DNMBP: variants seen among roughly 807,000 people sequenced by gnomAD.
The protein encoded by DNMBP is dynamin-binding protein.
Under a neutral mutation model 150.0 loss-of-function variants are expected in DNMBP, and 87 were observed. That is an observed-to-expected ratio of 0.58 (90% CI 0.49 to 0.69). The LOEUF is 0.69. Ranked by LOEUF, DNMBP falls within the 30% of genes least tolerant of loss-of-function variation. The probability of loss-of-function intolerance (pLI) is 0.00; values close to 1 mark genes in which losing one functional copy is unlikely to be tolerated. For missense variants in DNMBP, 1,774 were observed against 1,949.0 expected (o/e 0.91, Z 1.69); for synonymous variants, 711 against 750.4 (o/e 0.95, Z 0.86).
intron 3 of DNMBP, among the ~76,000 whole-genome samples, chr10:99,967,239 A>C (rs1308106980): frequency 6.6e-6 from 1 of 152,144 alleles, no homozygotes; most frequent in Non-Finnish European, 1.5e-5. Context: ...TGTCTTAAAA[A>C]ATAAAATAAA....
intron 1 of DNMBP, among the ~76,000 whole-genome samples, chr10:99,990,610 T>TAA (rs34272087): frequency 1.9e-5 from 2 of 104,222 alleles, no homozygotes; most frequent in Non-Finnish European, 3.9e-5. Context: ...AATTAATGAA[T>TAA]AAAAAAAAAA....
At chr10:99,936,515 CTTTTTTTT>C (rs34804787) in intron 4 of DNMBP, among the ~76,000 whole-genome samples, 2,013 of 134,364 alleles carry the variant, frequency 0.015, 26 homozygotes, top group Non-Finnish European at 0.018. Context: ...TTTCTTTTTT[CTTTTTTTT>C]TTTTTTTTTG....
chr10:99,953,941 C>A (rs1422721616), intron 4 of DNMBP, among the ~76,000 whole-genome samples: 1 of 152,094 alleles, frequency 6.6e-6, no homozygotes, highest in Non-Finnish European at 1.5e-5. Context: ...GAAAGTTCTA[C>A]TTAGGGACTT....
Position 99,931,046 on chromosome 10 carries a change from C to G in DNMBP, c.2261-21900G>C, listed in dbSNP as rs1301073289. Reference sequence around the variant, plus strand: ...GAGTTGCCAGCTTTGTTTGGTGTTTCCCTCAAGCTGGTCAAACTGGCTTGG... The same window carrying G: ...GAGTTGCCAGCTTTGTTTGGTGTTTGCCTCAAGCTGGTCAAACTGGCTTGG... On this transcript the variant is annotated intron_variant, in intron 4 of 16. Coordinates refer to ENST00000324109, the MANE Select transcript of DNMBP (RefSeq NM_015221.4). 2.1e-5 allele frequency: 7 copies of G among 330,690 alleles called. No homozygotes were observed. The East Asian group carries it at 3.0e-4, about 14-fold the overall frequency. The allele number at this position is 330,690 out of a possible 1,614,324, so 20.5% of individuals were successfully genotyped here. A position where few individuals can be genotyped will look rare whatever the true frequency, so the allele number is the denominator to read the frequency against.
intron 12 of DNMBP, 83 bp downstream of exon 12, chr10:99,888,742 G>A: frequency 1.3e-6 from 2 of 1,540,028 alleles, no homozygotes; most frequent in Non-Finnish European, 8.9e-7. Flanking sequence ...CAGGGCCTGT[G>A]TCCGTGGAAC....
chr10:99,881,212 G>A (rs2039362509), intron 15 of DNMBP, among the ~76,000 whole-genome samples: 1 of 151,906 alleles, frequency 6.6e-6, no homozygotes, highest in African/African-American at 2.4e-5. Context: ...TGGGCAACAA[G>A]AACGAAACTC....
chr10:99,918,492 C>G (rs567105979), intron 4 of DNMBP, among the ~76,000 whole-genome samples: 1 of 152,140 alleles, frequency 6.6e-6, no homozygotes, highest in East Asian at 1.9e-4. Flanking sequence ...CTCCCTTTCC[C>G]CTTTTCATAT....
rs1234309428 is a variant in DNMBP, at chr10:99,884,194, G to A, written c.3814C>T (p.Gln1272Ter). 15 of 1,613,168 alleles carry A rather than the reference G, an allele frequency of 9.3e-6. No individual in the cohort carries two copies. Among genetic ancestry groups the A allele is most frequent in the East Asian group, 4.5e-5 (2 of 44,876 alleles). The change falls in exon 15 of 17, where the codon CAG (glutamine) becomes TAG (stop). Residue 1272 changes from glutamine (Q) to a stop codon, truncating the protein, a stop_gained. Transcript: ENST00000324109. LOFTEE classifies it high-confidence loss of function. The stretch of plus-strand genomic sequence containing the variant: ...AGGGAGGCCCGGAGTTCTTCTGACT[G>A]TAGCATGTAACTTGGCTGAAAGGTA... ...PLLGLPSYML[Q>*]SEELRASLLA...
chr10:99,883,963 AC>A, intron 15 of DNMBP, 47 bp downstream of exon 15: 1 of 1,557,404 alleles, frequency 6.4e-7, no homozygotes, highest in African/African-American at 1.4e-5. Context: ...AGCCAAAACT[AC>A]TATTTTTTTT....
intron 4 of DNMBP, among the ~76,000 whole-genome samples, chr10:99,949,196 T>C (rs2040393428): frequency 6.6e-6 from 1 of 152,102 alleles, no homozygotes; most frequent in Non-Finnish European, 1.5e-5. Context: ...GGCAATTCAA[T>C]TCAAATCAAT....
intron 4 of DNMBP, among the ~76,000 whole-genome samples, chr10:99,926,566 C>G (rs1277604437): frequency 6.6e-6 from 1 of 152,108 alleles, no homozygotes; most frequent in Non-Finnish European, 1.5e-5. Flanking sequence ...TCTTTTAGGA[C>G]GCCGGGAAAT....
intron 1 of DNMBP, among the ~76,000 whole-genome samples, chr10:100,001,417 T>TTG (rs1554875610): frequency 2.1e-5 from 3 of 141,524 alleles, no homozygotes; most frequent in South Asian, 2.3e-4. Flanking sequence ...GTTGTTGTTT[T>TTG]TTTTTTTTTT....
Position 99,956,032 on chromosome 10 carries a change from C to T in DNMBP, c.1442G>A (p.Gly481Asp), listed in dbSNP as rs1003923630. The T allele has an allele frequency of 6.2e-7, 1 of 1,614,142 alleles. No individual in the cohort carries two copies. Among genetic ancestry groups the T allele is most frequent in the Non-Finnish European group, 8.5e-7 (1 of 1,180,010 alleles). The change falls in exon 4 of 17, where the codon GGC becomes GAC. Residue 481 changes from glycine to aspartate, a missense_variant. By Grantham distance (94) the Gly-to-Asp change is moderately conservative. Around this residue, in one of 2 missense-constraint regions of DNMBP, gnomAD observed 1,430 missense variants for 1,492.5 expected, o/e 0.96. Coordinates refer to ENST00000324109, the MANE Select transcript of DNMBP (RefSeq NM_015221.4). The stretch of plus-strand genomic sequence containing the variant: ...TACCCTTGAAGCTGAAACAGAAGAG[C>T]CCCTGTAAAGAGGGAGCACTGGCTT... ...LQKPVLPLYR[G>D]SSVSASRVVK...
Position 99,955,465 on chromosome 10 carries a change from C to G in DNMBP, c.2009G>C (p.Cys670Ser), listed in dbSNP as rs1205994976. The G allele has an allele frequency of 9.3e-6, 15 of 1,608,238 alleles. No homozygotes were observed. Among genetic ancestry groups the G allele is most frequent in the Non-Finnish European group, 1.3e-5 (15 of 1,176,770 alleles). The change falls in exon 4 of 17, where the codon TGT (cysteine) becomes TCT (serine). Residue 670 changes from cysteine (C) to serine (S), a missense_variant. Physicochemically the swap from Cys to Ser is moderately radical, Grantham distance 112. Transcript: ENST00000324109. ...AGGGCCCTCCTTTTCTAAGGTCTCA[C>G]AGGTAGGACGGTGTCGAGATAGGAG... Reference protein sequence around the residue: ...PKLLSRHRPTCETLEKEGPGH... With the variant: ...PKLLSRHRPTSETLEKEGPGH...
chr10:99,979,906 G>T (rs930060061), intron 1 of DNMBP, among the ~76,000 whole-genome samples: 1 of 152,004 alleles, frequency 6.6e-6, no homozygotes. Context: ...CTTGTTTTTT[G>T]GTTTACTGCT....
At chr10:99,934,018 G>A (rs1159148651) in intron 4 of DNMBP, among the ~76,000 whole-genome samples, 1 of 152,206 alleles carries the variant, frequency 6.6e-6, no homozygotes, top group Admixed American at 6.5e-5. Context: ...TTACAGGCGT[G>A]AGCCACTGCG....
At chr10:99,886,926 A>G (rs937395208) in intron 12 of DNMBP, among the ~76,000 whole-genome samples, 1 of 152,186 alleles carries the variant, frequency 6.6e-6, no homozygotes, top group Admixed American at 6.5e-5. Flanking sequence ...CTGCACACTG[A>G]TATGATGTGT....
At chr10:99,913,968 C>T (rs1370071597) in intron 4 of DNMBP, 1 of 1,451,120 alleles carries the variant, frequency 6.9e-7, no homozygotes, top group Non-Finnish European at 9.1e-7. Context: ...GTGCCCAGAG[C>T]TGGCTGTGTG....
intron 1 of DNMBP, among the ~76,000 whole-genome samples, chr10:99,997,526 A>G (rs530060846): frequency 6.6e-6 from 1 of 151,824 alleles, no homozygotes; most frequent in Admixed American, 6.6e-5. Context: ...TTAAAGGGTA[A>G]GTTAACTCAC....
Sources: gnomAD v4.1 joint callset for allele counts (sites outside exome capture counted in the v4.1 genomes callset) on GRCh38, gnomAD v4.1.1 for gene constraint, gnomAD v4.1.1 regional missense constraint, MANE v1.5 for transcripts, NCBI Gene and HGNC (gene_info 2026-07-23, HGNC 2026-07-21) for gene names.